ACBD6: variants seen among roughly 807,000 people sequenced by gnomAD.
ACBD6 encodes the protein acyl-CoA-binding domain-containing protein 6.
ACBD6 carries 28 observed loss-of-function variants against 37.2 expected under a neutral mutation model. The ratio of observed to expected loss-of-function variants is 0.75; its 90% CI spans 0.56 to 1.03. The LOEUF is 1.03. ACBD6 is among the 50% of genes least tolerant of loss of function. ACBD6 has a pLI of 0.00. For synonymous variants in ACBD6, 113 were observed against 126.8 expected (o/e 0.89, Z 0.73); for missense variants, 340 against 337.4 (o/e 1.01, Z -0.06).
intron 5 of ACBD6, among the ~76,000 whole-genome samples, chr1:180,413,085 C>T (rs760368060): frequency 7.2e-5 from 11 of 152,130 alleles, no homozygotes; most frequent in Non-Finnish European, 1.6e-4. Context: ...CTGTAGATTT[C>T]ACTTATTATG....
At chr1:180,403,394 T>C (rs775456895) in intron 5 of ACBD6, among the ~76,000 whole-genome samples, 16 of 152,182 alleles carry the variant, frequency 1.1e-4, no homozygotes, top group Non-Finnish European at 2.2e-4. Flanking sequence ...TATACGCATG[T>C]TAAAATATTT....
chr1:180,276,715 A>G (rs1649051379), intron 9 of ACBD6: 1 of 152,188 alleles, frequency 6.6e-6, no homozygotes, highest in Non-Finnish European at 1.5e-5. Flanking sequence ...GAACCAGATG[A>G]AAAGCTGCCC....
chr1:180,436,898 G>C (rs1315179881), intron 3 of ACBD6, among the ~76,000 whole-genome samples: 5 of 152,140 alleles, frequency 3.3e-5, no homozygotes, highest in Non-Finnish European at 7.3e-5. Flanking sequence ...AAAACTGAAA[G>C]CTTTCCTTCT....
chr1:180,331,855 C>T (rs958597312), intron 6 of ACBD6, among the ~76,000 whole-genome samples: 2 of 152,170 alleles, frequency 1.3e-5, no homozygotes, highest in Admixed American at 6.5e-5. Flanking sequence ...AGAATTTGGG[C>T]TCCATCCTTG....
intron 13 of ACBD6, among the ~76,000 whole-genome samples, chr1:180,272,267 C>G (rs1648717231): frequency 6.6e-6 from 1 of 152,142 alleles, no homozygotes; most frequent in African/African-American, 2.4e-5. Context: ...CTCCCCTCCC[C>G]TCCTGCTGAC....
At chr1:180,443,648 T>G (rs1360155026) in intron 3 of ACBD6, among the ~76,000 whole-genome samples, 1 of 152,176 alleles carries the variant, frequency 6.6e-6, no homozygotes, top group African/African-American at 2.4e-5. Flanking sequence ...AGTCTCACTC[T>G]GTCGCCCAGG....
rs1652549936 is a variant in ACBD6, at chr1:180,354,587, G to GC, written c.664-39866dup. Among the ~76,000 whole-genome samples the GC allele has an allele frequency of 1.3e-5, 2 of 152,142 alleles. 1 individual carries two copies. Among genetic ancestry groups the GC allele is most frequent in the Admixed American group, 1.3e-4 (2 of 15,284 alleles). ...AGTTAAATAAGCTGTTTTATTTAGG[G>GC]CCCCGATAAAGTAGGACTGCCGATG... On this transcript the variant is annotated intron_variant, in intron 6 of 7. Coordinates refer to ENST00000367595, the MANE Select transcript of ACBD6 (RefSeq NM_032360.4).
intron 11 of ACBD6, chr1:180,273,458 A>G (rs954846181): frequency 6.5e-5 from 10 of 152,762 alleles, no homozygotes; most frequent in African/African-American, 2.4e-4. Context: ...CCCTGGGCTG[A>G]CCTATCATTG....
At chr1:180,294,519 G>A (rs1370045494) in intron 7 of ACBD6, among the ~76,000 whole-genome samples, 1 of 151,842 alleles carries the variant, frequency 6.6e-6, no homozygotes, top group Non-Finnish European at 1.5e-5. Flanking sequence ...ACTCCAGCCT[G>A]GGTGACTGAG....
chr1:180,497,169 T>A (rs1013711636), intron 1 of ACBD6, among the ~76,000 whole-genome samples: 1 of 152,176 alleles, frequency 6.6e-6, no homozygotes, highest in Non-Finnish European at 1.5e-5. Flanking sequence ...TTATAACTAT[T>A]TTTGTTTTTT....
At chr1:180,454,810 C>T (rs1209518358) in intron 3 of ACBD6, among the ~76,000 whole-genome samples, 2 of 152,102 alleles carry the variant, frequency 1.3e-5, no homozygotes, top group African/African-American at 4.8e-5. Flanking sequence ...CAAATCAAAA[C>T]CACAATGAGA....
intron 6 of ACBD6, among the ~76,000 whole-genome samples, chr1:180,338,960 G>A (rs1437462450): frequency 6.6e-6 from 1 of 152,200 alleles, no homozygotes; most frequent in Admixed American, 6.5e-5. Flanking sequence ...TCAGAGAAAT[G>A]CAAATCAAAA....
At chr1:180,470,409 T>C (rs538033009) in intron 3 of ACBD6, among the ~76,000 whole-genome samples, 3 of 152,346 alleles carry the variant, frequency 2.0e-5, no homozygotes, top group African/African-American at 4.8e-5. Flanking sequence ...ACCAGAATCA[T>C]CTTGGTCTAG....
At chr1:180,461,217 T>C (rs1030245842) in intron 3 of ACBD6, among the ~76,000 whole-genome samples, 8 of 152,024 alleles carry the variant, frequency 5.3e-5, no homozygotes, top group Non-Finnish European at 1.0e-4. Flanking sequence ...AAGTAAAAAG[T>C]AATGAACAAA....
At chr1:180,499,713 A>G (rs1651876536) in intron 1 of ACBD6, among the ~76,000 whole-genome samples, 1 of 152,206 alleles carries the variant, frequency 6.6e-6, no homozygotes, top group Admixed American at 6.5e-5. Flanking sequence ...TAAATAATCA[A>G]AAGTTTCACT....
Position 180,410,949 on chromosome 1 carries a change from G to A in ACBD6, c.573+2417C>T, listed in dbSNP as rs193182469. Among the ~76,000 whole-genome samples, 27 of 152,326 alleles carry A rather than the reference G, an allele frequency of 1.8e-4. No individual in the cohort carries two copies. The East Asian group carries it at 5.2e-3, about 29-fold the overall frequency. ...GATTCACCATTCCAGATGCCATTAA[G>A]AACATGTGTGATGGGAGGAGGTCAA... On this transcript the variant is annotated intron_variant, in intron 5 of 7. Coordinates refer to ENST00000367595, the MANE Select transcript of ACBD6 (RefSeq NM_032360.4).
At chr1:180,413,157 T>G (rs943005915) in intron 5 of ACBD6, among the ~76,000 whole-genome samples, 1 of 152,288 alleles carries the variant, frequency 6.6e-6, no homozygotes, top group Non-Finnish European at 1.5e-5. Flanking sequence ...AAATTTCAGG[T>G]AGTAACTTCT....
chr1:180,459,172 C>G (rs757906973), intron 3 of ACBD6, among the ~76,000 whole-genome samples: 6 of 152,116 alleles, frequency 3.9e-5, no homozygotes, highest in Non-Finnish European at 7.3e-5. Flanking sequence ...TTAAAATATT[C>G]CCGTTATTCA....
At chr1:180,376,377 A>C (rs987031631) in intron 6 of ACBD6, among the ~76,000 whole-genome samples, 4 of 152,226 alleles carry the variant, frequency 2.6e-5, no homozygotes, top group Non-Finnish European at 5.9e-5. Context: ...ACATATGTAC[A>C]AGGTTATTAG....
Sources: gnomAD v4.1 joint callset for allele counts (sites outside exome capture counted in the v4.1 genomes callset) on GRCh38, gnomAD v4.1.1 for gene constraint, MANE v1.5 for transcripts, NCBI Gene and HGNC (gene_info 2026-07-23, HGNC 2026-07-21) for gene names.